Variants in CSMD1 observed in about 807,000 individuals in gnomAD.
CSMD1 encodes CUB and sushi domain-containing protein 1.
Under a neutral mutation model 417.5 loss-of-function variants are expected in CSMD1, and 213 were observed. The observed-to-expected ratio is 0.51, with a 90% confidence interval of 0.46 to 0.57. The LOEUF is 0.57. Among genes scored for constraint, CSMD1 ranks in the 20% least tolerant of loss-of-function variants. The pLI is 0.00. For missense variants in CSMD1, 6,923 were observed against 4,529.7 expected, an observed-to-expected ratio of 1.53 and a Z score of -15.17; for synonymous variants, 2,862 against 1,736.8, an observed-to-expected ratio of 1.65 and a Z score of -16.11.
At chr8:3,426,081 A>C (rs529436813) in intron 12 of CSMD1, among the ~76,000 whole-genome samples, 1 of 152,358 alleles carries the variant, frequency 6.6e-6, no homozygotes, top group African/African-American at 2.4e-5. Flanking sequence ...AATGTAAAAA[A>C]GCAGAACAGA....
intron 2 of CSMD1, among the ~76,000 whole-genome samples, chr8:4,555,046 G>A (rs909987252): frequency 3.3e-5 from 5 of 152,328 alleles, no homozygotes; most frequent in East Asian, 1.9e-4. Flanking sequence ...GTAGGAGCCA[G>A]CCCACGCAAT....
chr8:3,982,708 C>G (rs1344032034), intron 5 of CSMD1, among the ~76,000 whole-genome samples: 1 of 151,888 alleles, frequency 6.6e-6, no homozygotes, highest in Non-Finnish European at 1.5e-5. Context: ...GATCAGGAGG[C>G]AGAGGGAAGC....
intron 3 of CSMD1, among the ~76,000 whole-genome samples, chr8:4,409,032 C>G (rs1055881248): frequency 2.0e-5 from 3 of 152,190 alleles, no homozygotes; most frequent in African/African-American, 4.8e-5. Context: ...ATCTGTATCA[C>G]TTTGTCATTT....
At chr8:4,171,667 A>T (rs907042149) in intron 3 of CSMD1, among the ~76,000 whole-genome samples, 1 of 149,658 alleles carries the variant, frequency 6.7e-6, no homozygotes, top group African/African-American at 2.6e-5. Flanking sequence ...ATGCAGATAA[A>T]CTGGTAGAAT....
intron 3 of CSMD1, among the ~76,000 whole-genome samples, chr8:4,064,509 G>A (rs972752694): frequency 6.6e-6 from 1 of 152,194 alleles, no homozygotes; most frequent in Non-Finnish European, 1.5e-5. Flanking sequence ...TGTGAGGCAG[G>A]GATAACATCC....
At chr8:3,081,544 A>T (rs1292885122) in intron 49 of CSMD1, among the ~76,000 whole-genome samples, 1 of 152,218 alleles carries the variant, frequency 6.6e-6, no homozygotes, top group East Asian at 1.9e-4. Flanking sequence ...TTGGACGTGG[A>T]AGTCTTAAAA....
intron 1 of CSMD1, among the ~76,000 whole-genome samples, chr8:4,750,857 T>C (rs1811275288): frequency 6.6e-6 from 1 of 152,148 alleles, no homozygotes; most frequent in African/African-American, 2.4e-5. Flanking sequence ...GATATTGGGA[T>C]TTAGTGAAGG....
intron 3 of CSMD1, among the ~76,000 whole-genome samples, chr8:4,348,137 A>G (rs936160157): frequency 6.6e-6 from 1 of 152,214 alleles, no homozygotes; most frequent in African/African-American, 2.4e-5. Context: ...TTAAAGAGAG[A>G]AGACCTTTTC....
intron 5 of CSMD1, among the ~76,000 whole-genome samples, chr8:3,940,450 C>A (rs1056881722): frequency 2.0e-5 from 3 of 151,222 alleles, no homozygotes; most frequent in Non-Finnish European, 4.4e-5. Context: ...AACATAAGCA[C>A]CTTTCAAAAT....
intron 3 of CSMD1, among the ~76,000 whole-genome samples, chr8:4,304,820 A>G (rs1320607487): frequency 6.6e-6 from 1 of 152,218 alleles, no homozygotes; most frequent in Non-Finnish European, 1.5e-5. Flanking sequence ...GGTCATTCAG[A>G]AAACCACTGA....
intron 41 of CSMD1, among the ~76,000 whole-genome samples, chr8:3,125,829 T>C (rs1765181378): frequency 6.6e-6 from 1 of 152,024 alleles, no homozygotes; most frequent in Non-Finnish European, 1.5e-5. Context: ...TTCCAAAAAT[T>C]AGCTGGGCGT....
chr8:3,839,065 G>C (rs1256770108), intron 5 of CSMD1, among the ~76,000 whole-genome samples: 1 of 123,564 alleles, frequency 8.1e-6, no homozygotes, highest in Admixed American at 1.0e-4. Context: ...ATAGCCTATA[G>C]ATATATAGCC....
At chr8:3,212,146 A>G (rs1319661518) in intron 30 of CSMD1, among the ~76,000 whole-genome samples, 1 of 152,024 alleles carries the variant, frequency 6.6e-6, no homozygotes, top group Non-Finnish European at 1.5e-5. Context: ...TGCCTCCCTC[A>G]CCCATGAGCA....
intron 49 of CSMD1, among the ~76,000 whole-genome samples, chr8:3,053,294 C>G (rs573654261): frequency 5.8e-4 from 88 of 152,286 alleles, no homozygotes; most frequent in African/African-American, 2.0e-3. Flanking sequence ...ATGTCACACA[C>G]TCAACTTCAT....
chr8:3,710,967 C>T (rs962704308), intron 6 of CSMD1, among the ~76,000 whole-genome samples: 8 of 152,108 alleles, frequency 5.3e-5, no homozygotes, highest in Admixed American at 1.3e-4. Context: ...AGCAATGCCG[C>T]CAGCTGTGCT....
chr8:4,978,663 C>T (rs1454385492), intron 1 of CSMD1, among the ~76,000 whole-genome samples: 1 of 152,126 alleles, frequency 6.6e-6, no homozygotes, highest in Non-Finnish European at 1.5e-5. Flanking sequence ...ATGGGCCAGA[C>T]ACGGTGGCTC....
chr8:3,959,650 T>C (rs1177602107), intron 5 of CSMD1, among the ~76,000 whole-genome samples: 1 of 152,236 alleles, frequency 6.6e-6, no homozygotes, highest in Non-Finnish European at 1.5e-5. Flanking sequence ...TTTGCCATGC[T>C]TTCTCTTATT....
chr8:4,383,691 G>A (rs1042397639), intron 3 of CSMD1, among the ~76,000 whole-genome samples: 4 of 152,118 alleles, frequency 2.6e-5, no homozygotes, highest in African/African-American at 9.7e-5. Flanking sequence ...ATATTACAGT[G>A]TGGGAAACCT....
intron 4 of CSMD1, among the ~76,000 whole-genome samples, chr8:4,031,448 T>C (rs574101986): frequency 3.3e-5 from 5 of 152,194 alleles, no homozygotes; most frequent in African/African-American, 9.6e-5. Flanking sequence ...AAGACTTATG[T>C]GCTATGATGA....
Sources: gnomAD v4.1 joint callset for allele counts (sites outside exome capture counted in the v4.1 genomes callset) on GRCh38, gnomAD v4.1.1 for gene constraint, MANE v1.5 for transcripts, NCBI Gene and HGNC (gene_info 2026-07-23, HGNC 2026-07-21) for gene names.